EYS: variants seen among roughly 807,000 people sequenced by gnomAD.
EYS encodes EGF-like photoreceptor maintenance factor, also known as protein eyes shut homolog.
In EYS, 250 loss-of-function variants were observed where a neutral mutation model predicts 282.1. The ratio of observed to expected loss-of-function variants is 0.89; its 90% confidence interval spans 0.80 to 0.98. The LOEUF is 0.98. Ranked by LOEUF, EYS falls within the 50% of genes least tolerant of loss-of-function variation. The probability of loss-of-function intolerance (pLI) is 0.00; values close to 1 mark genes in which losing one functional copy is unlikely to be tolerated. For synonymous variants in EYS, 1,355 were observed against 1,282.9 expected (o/e 1.06, Z -1.20); for missense variants, 4,016 against 3,709.0 (o/e 1.08, Z -2.15).
At chr6:65,300,668 G>A (rs978700750) in intron 11 of EYS, among the ~76,000 whole-genome samples, 3 of 152,160 alleles carry the variant, frequency 2.0e-5, no homozygotes, top group Non-Finnish European at 4.4e-5. Flanking sequence ...TATTCATTGT[G>A]AGTGGTTTTC....
chr6:64,964,221 T>C (rs539023962), intron 14 of EYS, among the ~76,000 whole-genome samples: 5 of 152,244 alleles, frequency 3.3e-5, no homozygotes, highest in African/African-American at 9.6e-5. Flanking sequence ...TCGATATGTA[T>C]TCATGTAAAT....
intron 12 of EYS, among the ~76,000 whole-genome samples, chr6:65,138,549 G>A (rs1447486746): frequency 6.6e-6 from 1 of 152,004 alleles, no homozygotes; most frequent in Non-Finnish European, 1.5e-5. Context: ...ACAGAAAACT[G>A]AAAGTTGGAG....
chr6:64,833,817 T>C (rs1213921728), intron 19 of EYS, among the ~76,000 whole-genome samples: 1 of 151,920 alleles, frequency 6.6e-6, no homozygotes, highest in Non-Finnish European at 1.5e-5. Context: ...TGGCCTAAAA[T>C]TATGTTATTA....
intron 6 of EYS, among the ~76,000 whole-genome samples, chr6:65,404,198 T>C (rs1766629267): frequency 5.3e-5 from 8 of 152,022 alleles, no homozygotes; most frequent in Admixed American, 5.3e-4. Context: ...CATTACATCA[T>C]CAAATCCCCC....
chr6:64,940,396 A>G (rs1769050352), intron 15 of EYS, among the ~76,000 whole-genome samples: 1 of 152,098 alleles, frequency 6.6e-6, no homozygotes, highest in African/African-American at 2.4e-5. Flanking sequence ...CAAAAAAAGG[A>G]TATATCAGAG....
intron 19 of EYS, among the ~76,000 whole-genome samples, chr6:64,825,948 TAAC>T (rs1216485795): frequency 1.3e-5 from 2 of 151,780 alleles, no homozygotes; most frequent in Non-Finnish European, 2.9e-5. Flanking sequence ...CTGATTATTA[TAAC>T]AACAAGATTG....
chr6:65,477,131 G>A (rs1037906390), intron 5 of EYS, among the ~76,000 whole-genome samples: 1 of 152,086 alleles, frequency 6.6e-6, no homozygotes, highest in Non-Finnish European at 1.5e-5. Flanking sequence ...GTTACCCACA[G>A]AGAAAAGGTA....
At chr6:64,914,527 A>C (rs1768103575) in intron 15 of EYS, among the ~76,000 whole-genome samples, 1 of 152,124 alleles carries the variant, frequency 6.6e-6, no homozygotes, top group African/African-American at 2.4e-5. Flanking sequence ...AGAAACAAAG[A>C]AAAGAGTCAC....
chr6:65,116,865 C>T (rs1775391141), intron 12 of EYS, among the ~76,000 whole-genome samples: 1 of 145,992 alleles, frequency 6.8e-6, no homozygotes, highest in Non-Finnish European at 1.5e-5. Flanking sequence ...AAACTTGAGT[C>T]TATCAAAAAG....
At chr6:64,528,903 A>T (rs1488420665) in intron 26 of EYS, among the ~76,000 whole-genome samples, 1 of 152,042 alleles carries the variant, frequency 6.6e-6, no homozygotes, top group Non-Finnish European at 1.5e-5. Context: ...TTCTATCATC[A>T]AAAAGATATG....
chr6:63,939,996 G>A (rs1483301124), intron 35 of EYS, among the ~76,000 whole-genome samples: 1 of 152,208 alleles, frequency 6.6e-6, no homozygotes, highest in Non-Finnish European at 1.5e-5. Flanking sequence ...GAGCTCAAGT[G>A]TTTTGGGTAT....
chr6:64,893,798 A>G (rs1323274903), intron 18 of EYS, among the ~76,000 whole-genome samples: 2 of 149,400 alleles, frequency 1.3e-5, no homozygotes, highest in African/African-American at 4.9e-5. Flanking sequence ...GATCTGTCAT[A>G]TATATATATG....
intron 26 of EYS, among the ~76,000 whole-genome samples, chr6:64,562,029 T>C (rs979743535): frequency 6.6e-6 from 1 of 151,632 alleles, no homozygotes; most frequent in African/African-American, 2.4e-5. Flanking sequence ...AACAGCATGG[T>C]ACTAGTGCAA....
chr6:63,894,465 G>C (rs1773483769), intron 35 of EYS, among the ~76,000 whole-genome samples: 1 of 152,138 alleles, frequency 6.6e-6, no homozygotes. Context: ...GAAGAGACGA[G>C]GAAGGATCCT....
At chr6:64,000,599 G>A (rs1026726171) in intron 33 of EYS, among the ~76,000 whole-genome samples, 18 of 151,924 alleles carry the variant, frequency 1.2e-4, no homozygotes, top group Non-Finnish European at 2.9e-5. Flanking sequence ...ACAATTATTG[G>A]TTAAATAACT....
At chr6:64,546,268 G>A (rs1312580720) in intron 26 of EYS, among the ~76,000 whole-genome samples, 1 of 152,100 alleles carries the variant, frequency 6.6e-6, no homozygotes, top group Non-Finnish European at 1.5e-5. Context: ...ACAAGAAATG[G>A]GGAAATGATT....
At chr6:64,501,220 A>G (rs988386284) in intron 26 of EYS, among the ~76,000 whole-genome samples, 6 of 152,020 alleles carry the variant, frequency 3.9e-5, no homozygotes, top group Non-Finnish European at 5.9e-5. Flanking sequence ...TGTCTTTTCT[A>G]TAAACAGTAT....
chr6:64,532,278 A>G (rs1378470299), intron 26 of EYS, among the ~76,000 whole-genome samples: 1 of 152,228 alleles, frequency 6.6e-6, no homozygotes, highest in East Asian at 1.9e-4. Flanking sequence ...CTTGCTGAAG[A>G]CGTCATAATC....
chr6:65,264,019 A>T (rs976698700), intron 12 of EYS, among the ~76,000 whole-genome samples: 1 of 152,098 alleles, frequency 6.6e-6, no homozygotes, highest in Non-Finnish European at 1.5e-5. Flanking sequence ...CTGAGAAAAA[A>T]GTAGAGGAGT....
Sources: allele counts gnomAD v4.1 joint callset (sites outside exome capture counted in the v4.1 genomes callset), GRCh38; gene constraint gnomAD v4.1.1; transcripts MANE v1.5; gene names NCBI Gene and HGNC (gene_info 2026-07-23, HGNC 2026-07-21).